Variants in RCAN2 observed in about 807,000 individuals in gnomAD.
The protein encoded by RCAN2 is regulator of calcineurin 2, also known as calcipressin-2.
In RCAN2, 9 loss-of-function variants were observed where a neutral mutation model predicts 23.6. That is an observed-to-expected ratio of 0.38 (90% CI 0.23 to 0.67). The LOEUF (loss-of-function observed/expected upper bound fraction) is 0.67. Ranked by LOEUF, RCAN2 falls within the 30% of genes least tolerant of loss-of-function variation. The pLI, the probability that RCAN2 is intolerant of heterozygous loss-of-function variation, is 0.51. For missense variants in RCAN2, 273 were observed against 302.3 expected (o/e 0.90, Z 0.72); for synonymous variants, 109 against 115.7 (o/e 0.94, Z 0.37).
chr6:46,450,136 G>A (rs986405069), intron 2 of RCAN2, among the ~76,000 whole-genome samples: 40 of 151,966 alleles, frequency 2.6e-4, no homozygotes, highest in African/African-American at 8.5e-4. Flanking sequence ...TTAAAAATGG[G>A]CAAAGGAGCT....
intron 2 of RCAN2, among the ~76,000 whole-genome samples, chr6:46,271,538 C>T (rs956606078): frequency 3.3e-5 from 5 of 152,180 alleles, no homozygotes; most frequent in African/African-American, 1.2e-4. Flanking sequence ...TTAACCATCT[C>T]AGCTACCCAA....
intron 2 of RCAN2, among the ~76,000 whole-genome samples, chr6:46,315,647 G>A (rs1337095275): frequency 6.6e-6 from 1 of 152,132 alleles, no homozygotes; most frequent in Admixed American, 6.5e-5. Flanking sequence ...GCAAGGATTG[G>A]GCTTTCTTCT....
chr6:46,253,933 G>A (rs181701164), intron 2 of RCAN2, among the ~76,000 whole-genome samples: 1 of 152,250 alleles, frequency 6.6e-6, no homozygotes, highest in Admixed American at 6.5e-5. Context: ...CATAGAGCTT[G>A]GATGTGTAGT....
At chr6:46,357,064 A>G (rs1352674253) in intron 2 of RCAN2, among the ~76,000 whole-genome samples, 1 of 152,174 alleles carries the variant, frequency 6.6e-6, no homozygotes. Context: ...GTATTTGGGT[A>G]TCTCAGGATT....
Position 46,311,374 on chromosome 6 carries a change from C to T in RCAN2, c.226-62478G>A, listed in dbSNP as rs544244698. Among the ~76,000 whole-genome samples, 176 of 152,318 alleles carry T rather than the reference C, an allele frequency of 1.2e-3. 1 individual carries two copies. Among genetic ancestry groups the T allele is most frequent in the African/African-American group, 3.9e-3 (162 of 41,578 alleles). ...TTACTGGTTTATTCTATGCAACTCA[C>T]GCCCCAACCAATGGCTGTAAAAGAT... On this transcript the variant is annotated intron_variant, in intron 2 of 4. Transcript: ENST00000371374.
At position 46,408,743 on chromosome 6, in the gene RCAN2, C is replaced by A. The variant is rs1193464238; in HGVS notation, c.225+48009G>T. ...ATAAGGAATAATAATTTAAAAAAAA[C>A]TGGTTAGAGGCTTGGCAAGGAAACA... is the stretch of plus-strand genomic sequence containing the variant. On this transcript the variant is annotated intron_variant, in intron 2 of 4. Transcript: ENST00000371374. Among the ~76,000 whole-genome samples the A allele has an allele frequency of 7.2e-5, 11 of 152,140 alleles. No individual in the cohort carries two copies. The East Asian group carries it at 2.1e-3, about 29-fold the overall frequency.
chr6:46,284,906 CA>C (rs1316104493), intron 2 of RCAN2, among the ~76,000 whole-genome samples: 3 of 152,344 alleles, frequency 2.0e-5, no homozygotes, highest in African/African-American at 7.2e-5. Context: ...CCTGTTGAGA[CA>C]TCCGTTCTCC....
At chr6:46,322,905 G>A (rs958573359) in intron 2 of RCAN2, among the ~76,000 whole-genome samples, 1 of 152,208 alleles carries the variant, frequency 6.6e-6, no homozygotes, top group African/African-American at 2.4e-5. Context: ...TTTGAACAAG[G>A]AGCGCAGGTT....
chr6:46,285,667 G>A (rs1025325045), intron 2 of RCAN2, among the ~76,000 whole-genome samples: 1 of 151,760 alleles, frequency 6.6e-6, no homozygotes, highest in Non-Finnish European at 1.5e-5. Context: ...TTCTTTTTTT[G>A]GTATTGAATC....
chr6:46,491,689 GGGCGCAGGAGCCTCCGGGCACCT>G (rs541011429), upstream of RCAN2, among the ~76,000 whole-genome samples: 523 of 152,030 alleles, frequency 3.4e-3, 10 homozygotes, highest in Admixed American at 0.032. Context: ...GTGCCCGGGA[GGGCGCAGGAGCCTCCGGGCACCT>G]GGCGTGGGAG....
At chr6:46,233,721 C>CTTTTTTTTTTTTTT in intron 4 of RCAN2, among the ~76,000 whole-genome samples, 2 of 130,770 alleles carry the variant, frequency 1.5e-5, no homozygotes, top group African/African-American at 2.9e-5. Context: ...AAGAACACTT[C>CTTTTTTTTTTTTTT]TTTTTTTTTT....
At chr6:46,272,920 G>T (rs1026231505) in intron 2 of RCAN2, among the ~76,000 whole-genome samples, 1 of 152,150 alleles carries the variant, frequency 6.6e-6, no homozygotes, top group Non-Finnish European at 1.5e-5. Context: ...TTATGAATAA[G>T]TTCCATGTTC....
intron 1 of RCAN2, among the ~76,000 whole-genome samples, chr6:46,476,622 C>T (rs952424867): frequency 6.6e-6 from 1 of 152,172 alleles, no homozygotes; most frequent in African/African-American, 2.4e-5. Flanking sequence ...AGGTTCCTGG[C>T]TCACAGCTCC....
intron 2 of RCAN2, among the ~76,000 whole-genome samples, chr6:46,453,755 T>C (rs988824066): frequency 1.3e-5 from 2 of 152,174 alleles, no homozygotes; most frequent in African/African-American, 4.8e-5. Context: ...AGCAAAAGGT[T>C]TAATTCCTAC....
At chr6:46,364,367 A>G (rs972558946) in intron 2 of RCAN2, among the ~76,000 whole-genome samples, 5 of 152,276 alleles carry the variant, frequency 3.3e-5, no homozygotes, top group Non-Finnish European at 7.4e-5. Context: ...TATCACTTCC[A>G]AAAGTACACT....
chr6:46,368,716 C>T (rs1899409), intron 2 of RCAN2, among the ~76,000 whole-genome samples: 62,064 of 151,954 alleles, frequency 0.41, 15,624 homozygotes, highest in East Asian at 0.6. Context: ...AAAAGTGGTG[C>T]ACCTGTAGAG....
At chr6:46,405,413 C>T (rs978798523) in intron 2 of RCAN2, among the ~76,000 whole-genome samples, 3 of 152,194 alleles carry the variant, frequency 2.0e-5, no homozygotes, top group African/African-American at 4.8e-5. Context: ...CACCCACATC[C>T]TGCTGATTGG....
At chr6:46,430,931 G>A (rs1232240765) in intron 2 of RCAN2, among the ~76,000 whole-genome samples, 1 of 152,180 alleles carries the variant, frequency 6.6e-6, no homozygotes, top group Non-Finnish European at 1.5e-5. Context: ...TTTGCGTAGA[G>A]AACCCCAGAT....
chr6:46,341,197 C>A (rs1764308526), intron 2 of RCAN2, among the ~76,000 whole-genome samples: 1 of 152,040 alleles, frequency 6.6e-6, no homozygotes, highest in Non-Finnish European at 1.5e-5. Flanking sequence ...GCTGCCAATG[C>A]CCTATACTTT....
Sources: allele counts gnomAD v4.1 joint callset (sites outside exome capture counted in the v4.1 genomes callset), GRCh38; gene constraint gnomAD v4.1.1; transcripts MANE v1.5; gene names NCBI Gene and HGNC (gene_info 2026-07-23, HGNC 2026-07-21).